Variants in DLGAP4 observed in about 807,000 individuals in gnomAD.
DLGAP4 encodes the protein DLG associated protein 4.
A neutral mutation model predicts 86.9 loss-of-function variants in DLGAP4; 18 were observed. The ratio of observed to expected loss-of-function variants is 0.21; its 90% confidence interval spans 0.14 to 0.31. The LOEUF (loss-of-function observed/expected upper bound fraction) is 0.31. DLGAP4 is among the 10% of genes least tolerant of loss of function. The pLI is 1.00. For synonymous variants in DLGAP4, 548 were observed against 574.3 expected, an observed-to-expected ratio of 0.95 and a Z score of 0.65; for missense variants, 1,085 against 1,362.6, an observed-to-expected ratio of 0.80 and a Z score of 3.21.
At chr20:36,319,705 T>G (rs1555890322) in intron 1 of DLGAP4, among the ~76,000 whole-genome samples, 1 of 152,102 alleles carries the variant, frequency 6.6e-6, no homozygotes, top group Non-Finnish European at 1.5e-5. Flanking sequence ...TGACTCACAG[T>G]CCAGTGCCTT....
intron 2 of DLGAP4, among the ~76,000 whole-genome samples, chr20:36,385,112 C>A (rs932869994): frequency 1.3e-5 from 2 of 152,130 alleles, no homozygotes; most frequent in Admixed American, 1.3e-4. Flanking sequence ...ATTTGGCTTC[C>A]TTTGGTGTCT....
chr20:36,375,803 G>A (rs1169006439), intron 2 of DLGAP4, among the ~76,000 whole-genome samples: 1 of 152,172 alleles, frequency 6.6e-6, no homozygotes, highest in Non-Finnish European at 1.5e-5. Context: ...GGCTAGAGAG[G>A]TCGACCAAGG....
Position 36,467,017 on chromosome 20 carries a change from CCTCTCTCTCTCTCTCTCT to C in DLGAP4, c.1648+20110_1648+20127del, listed in dbSNP as rs55778929. Among the ~76,000 whole-genome samples, 45 of 50,360 alleles carry C rather than the reference CCTCTCTCTCTCTCTCTCT, an allele frequency of 8.9e-4. 2 individuals are homozygous for C. The highest frequency in any genetic ancestry group is 6.5e-3 in the South Asian group (8 of 1,234). The allele number at this position is 50,360 out of a possible 152,430, so 33.0% of individuals were successfully genotyped here. A position where few individuals can be genotyped will look rare whatever the true frequency, so the allele number is the denominator to read the frequency against. ...TCTCTGTCTCTCTCTCTCTCTCTCT[CCTCTCTCTCTCTCTCTCT>C]CTCTCTCTCTCTCTCTCTCTCTCTC... On this transcript the variant is annotated intron_variant, in intron 7 of 12. Transcript: ENST00000339266.
chr20:36,351,166 C>T (rs1321538536), intron 1 of DLGAP4, among the ~76,000 whole-genome samples: 2 of 152,234 alleles, frequency 1.3e-5, no homozygotes, highest in African/African-American at 4.8e-5. Flanking sequence ...CCACTGCTCC[C>T]ACTCTGTTGG....
intron 7 of DLGAP4, among the ~76,000 whole-genome samples, chr20:36,470,359 G>A (rs770970205): frequency 6.6e-6 from 1 of 152,154 alleles, no homozygotes; most frequent in Non-Finnish European, 1.5e-5. Context: ...CTGACTGCCT[G>A]TTCTGCAAGG....
intron 1 of DLGAP4, among the ~76,000 whole-genome samples, chr20:36,337,007 C>T (rs782793894): frequency 2.9e-4 from 44 of 152,122 alleles, no homozygotes; most frequent in Non-Finnish European, 3.8e-4. Context: ...AAAGCAGATA[C>T]GGCGGAGGAA....
intron 2 of DLGAP4, among the ~76,000 whole-genome samples, chr20:36,411,002 G>T (rs1224929516): frequency 1.3e-5 from 2 of 151,972 alleles, no homozygotes; most frequent in African/African-American, 2.4e-5. Context: ...GTTTTGTTTT[G>T]TTTTTTGAGA....
chr20:36,504,493 C>A (rs2036277905), intron 10 of DLGAP4, among the ~76,000 whole-genome samples: 1 of 152,110 alleles, frequency 6.6e-6, no homozygotes, highest in South Asian at 2.1e-4. Flanking sequence ...TGTTTGAGTA[C>A]CTGTTTTTAA....
intron 7 of DLGAP4, among the ~76,000 whole-genome samples, chr20:36,463,593 G>A (rs555925242): frequency 1.3e-5 from 2 of 152,338 alleles, no homozygotes; most frequent in Admixed American, 1.3e-4. Context: ...TTGTTAGTCC[G>A]TTTGTAAAGA....
intron 7 of DLGAP4, among the ~76,000 whole-genome samples, chr20:36,447,162 G>A (rs942028019): frequency 2.0e-5 from 3 of 152,186 alleles, no homozygotes; most frequent in Non-Finnish European, 2.9e-5. Context: ...ACCCCTGGGG[G>A]GCATGGGAGG....
At chr20:36,387,969 CCTG>C (rs1205514838) in intron 2 of DLGAP4, among the ~76,000 whole-genome samples, 1 of 152,170 alleles carries the variant, frequency 6.6e-6, no homozygotes, top group Non-Finnish European at 1.5e-5. Context: ...GTGGGACTGT[CCTG>C]CTCATTATAA....
At chr20:36,401,229 T>C (rs1181462242) in intron 2 of DLGAP4, among the ~76,000 whole-genome samples, 1 of 152,214 alleles carries the variant, frequency 6.6e-6, no homozygotes, top group African/African-American at 2.4e-5. Context: ...ATGAATCCAA[T>C]TAGATTTCAT....
At chr20:36,371,027 G>C (rs2030909982) in intron 2 of DLGAP4, among the ~76,000 whole-genome samples, 3 of 152,168 alleles carry the variant, frequency 2.0e-5, no homozygotes, top group African/African-American at 7.2e-5. Context: ...TTACAAATGA[G>C]AGGACTGAGA....
At chr20:36,372,238 C>T (rs914634800) in intron 2 of DLGAP4, among the ~76,000 whole-genome samples, 1 of 152,214 alleles carries the variant, frequency 6.6e-6, no homozygotes, top group African/African-American at 2.4e-5. Context: ...ACTGTGACTG[C>T]TAAAGGTGGC....
In DLGAP4 at chr20:36,308,885, G is replaced by GT. The variant is rs574756799; in HGVS notation, c.-304+2382dup. The stretch of plus-strand genomic sequence containing the variant: ...GAATTAATAAAATCTTGAATGCAGG[G>GT]TTTTTTTTTATAGAAAGTACACAGT... On this transcript the variant is annotated intron_variant, in intron 1 of 12. Transcript: ENST00000339266. The surrounding 1 kb of genome is among the most constrained non-coding windows in gnomAD (Gnocchi z 4.5). Among the ~76,000 whole-genome samples, 991 of 151,420 alleles carry GT rather than the reference G, an allele frequency of 6.5e-3. 6 individuals are homozygous for GT. Among genetic ancestry groups the GT allele is most frequent in the Non-Finnish European group, 0.011 (722 of 67,812 alleles).
chr20:36,324,362 G>A (rs1409225996), intron 1 of DLGAP4, among the ~76,000 whole-genome samples: 5 of 152,154 alleles, frequency 3.3e-5, no homozygotes, highest in Non-Finnish European at 7.3e-5. Context: ...GGGAGGCAGA[G>A]GTTTCAGTGA....
chr20:36,410,195 A>G (rs899091024), intron 2 of DLGAP4, among the ~76,000 whole-genome samples: 11 of 152,310 alleles, frequency 7.2e-5, no homozygotes, highest in Non-Finnish European at 1.5e-4. Flanking sequence ...AGATGCTGTC[A>G]GTGCCCTGCC....
chr20:36,514,748 G>A (rs546273591), intron 10 of DLGAP4, among the ~76,000 whole-genome samples: 54 of 152,158 alleles, frequency 3.5e-4, no homozygotes, highest in South Asian at 1.0e-3. Flanking sequence ...ATATAAGCAT[G>A]TTTATATGTT....
intron 2 of DLGAP4, among the ~76,000 whole-genome samples, chr20:36,395,634 G>C (rs1173382764): frequency 6.6e-6 from 1 of 152,106 alleles, no homozygotes; most frequent in Non-Finnish European, 1.5e-5. Context: ...GAGTAGCTGG[G>C]ATTATAGGCA....
Sources: gnomAD v4.1 joint callset for allele counts (sites outside exome capture counted in the v4.1 genomes callset) on GRCh38, gnomAD v4.1.1 for gene constraint, Gnocchi (gnomAD v3.1) non-coding constraint, MANE v1.5 for transcripts, NCBI Gene and HGNC (gene_info 2026-07-23, HGNC 2026-07-21) for gene names.